TENM2: variants seen among roughly 807,000 people sequenced by gnomAD.
TENM2 encodes teneurin-2.
A neutral mutation model predicts 245.2 loss-of-function variants in TENM2; 52 were observed. The ratio of observed to expected loss-of-function variants is 0.21; its 90% CI spans 0.17 to 0.27. The LOEUF (loss-of-function observed/expected upper bound fraction) is 0.27. Among genes scored for constraint, TENM2 ranks in the 10% least tolerant of loss-of-function variants. TENM2 has a pLI of 1.00. For synonymous variants in TENM2, 1,363 were observed against 1,438.9 expected (o/e 0.95, Z 1.19); for missense variants, 3,046 against 3,666.8 (o/e 0.83, Z 4.37).
At chr5:167,445,369 A>AGAGAGAGAGAGAGTGAGTGTGAGT (rs35699708) in intron 2 of TENM2, among the ~76,000 whole-genome samples, 3 of 98,578 alleles carry the variant, frequency 3.0e-5, no homozygotes, top group African/African-American at 1.5e-4. Context: ...AGAGAGAGAG[A>AGAGAGAGAGAGAGTGAGTGTGAGT]GTGTCAGGTG....
chr5:167,857,885 C>A (rs1413484215), intron 2 of TENM2, among the ~76,000 whole-genome samples: 2 of 152,258 alleles, frequency 1.3e-5, no homozygotes, highest in Admixed American at 1.3e-4. Context: ...ATAAATAGAG[C>A]CTTAGACTCA....
intron 2 of TENM2, among the ~76,000 whole-genome samples, chr5:167,546,326 A>T (rs557748662): frequency 2.0e-5 from 3 of 152,162 alleles, no homozygotes; most frequent in Admixed American, 2.0e-4. Flanking sequence ...CTGACTTTCA[A>T]ATTATTCCTA....
At chr5:167,181,289 C>T in the TENM2 span, among the ~76,000 whole-genome samples, 1 of 152,074 alleles carries the variant, frequency 6.6e-6, no homozygotes, top group Non-Finnish European at 1.5e-5. Flanking sequence ...TAGCGGTAAT[C>T]CTTTATTCCT....
chr5:167,303,689 A>G (rs1016682900), intron 1 of TENM2, among the ~76,000 whole-genome samples: 1 of 152,134 alleles, frequency 6.6e-6, no homozygotes, highest in African/African-American at 2.4e-5. Flanking sequence ...GTGGGTCTGT[A>G]TCTCCTTTTC....
intron 7 of TENM2, among the ~76,000 whole-genome samples, chr5:168,085,753 G>A (rs1453946822): frequency 1.3e-5 from 2 of 152,242 alleles, no homozygotes; most frequent in Admixed American, 6.5e-5. Flanking sequence ...GCGACCCACT[G>A]CAGCTAAGTC....
Position 167,592,713 on chromosome 5 carries a change from G to T in TENM2, c.502+217240G>T, listed in dbSNP as rs555537538. Among the ~76,000 whole-genome samples, 193 of 152,248 alleles carry T rather than the reference G, an allele frequency of 1.3e-3. 2 individuals are homozygous for T. Among genetic ancestry groups the T allele is most frequent in the African/African-American group, 4.6e-3 (190 of 41,546 alleles). ...TTTGGTATTGTGCTATGAGCTTGAG[G>T]TGGGCATATTCAAAGTTATGTGGAC... On this transcript the variant is annotated intron_variant, in intron 2 of 28. Transcript: ENST00000518659.
At chr5:168,070,618 CAA>C (rs36098821) in intron 7 of TENM2, among the ~76,000 whole-genome samples, 10 of 132,854 alleles carry the variant, frequency 7.5e-5, no homozygotes, top group Admixed American at 7.7e-5. Context: ...TCATCTCTAC[CAA>C]AAAAAAAAAA....
intron 2 of TENM2, among the ~76,000 whole-genome samples, chr5:167,479,800 T>A (rs1436714245): frequency 6.6e-6 from 1 of 152,208 alleles, no homozygotes; most frequent in East Asian, 1.9e-4. Context: ...GGAAGCATAG[T>A]AAGATCAGTA....
intron 4 of TENM2, among the ~76,000 whole-genome samples, chr5:167,963,876 A>G (rs1295143981): frequency 6.6e-6 from 1 of 152,188 alleles, no homozygotes; most frequent in Non-Finnish European, 1.5e-5. Context: ...CAAAAGACAA[A>G]CAAGCATATA....
chr5:167,961,048 A>G (rs544245282), intron 4 of TENM2, among the ~76,000 whole-genome samples: 4 of 152,298 alleles, frequency 2.6e-5, no homozygotes, highest in African/African-American at 9.6e-5. Context: ...AACCAGTCCT[A>G]GTGAGATGAG....
At chr5:167,789,293 C>T (rs1203081680) in intron 2 of TENM2, among the ~76,000 whole-genome samples, 1 of 152,310 alleles carries the variant, frequency 6.6e-6, no homozygotes, top group African/African-American at 2.4e-5. Context: ...TAGCCCCTGA[C>T]CAGAGAACTC....
intron 2 of TENM2, among the ~76,000 whole-genome samples, chr5:167,790,609 G>C (rs1417569128): frequency 6.6e-6 from 1 of 152,072 alleles, no homozygotes; most frequent in South Asian, 2.1e-4. Flanking sequence ...AACTGTTCTC[G>C]TCACCCCTCA....
chr5:167,788,341 C>T (rs539324861), intron 2 of TENM2, among the ~76,000 whole-genome samples: 5 of 152,202 alleles, frequency 3.3e-5, no homozygotes, highest in East Asian at 3.9e-4. Flanking sequence ...TTGATTTACT[C>T]GCAAGGATTA....
At chr5:167,190,941 T>A in the TENM2 span, among the ~76,000 whole-genome samples, 1 of 152,152 alleles carries the variant, frequency 6.6e-6, no homozygotes, top group Non-Finnish European at 1.5e-5. Context: ...CATATACATG[T>A]GTTTAAATGA....
chr5:167,382,966 T>G (rs1761180950), intron 2 of TENM2, among the ~76,000 whole-genome samples: 1 of 152,096 alleles, frequency 6.6e-6, no homozygotes, highest in Non-Finnish European at 1.5e-5. Flanking sequence ...TTATTCAATA[T>G]TGGTGAAAAA....
chr5:167,599,932 T>A (rs929055470), intron 2 of TENM2, among the ~76,000 whole-genome samples: 1 of 151,706 alleles, frequency 6.6e-6, no homozygotes, highest in Non-Finnish European at 1.5e-5. Context: ...GATCACTTGA[T>A]GTCAGGAGTT....
intron 13 of TENM2, among the ~76,000 whole-genome samples, chr5:168,164,974 G>A (rs879387588): frequency 2.0e-5 from 3 of 152,214 alleles, no homozygotes; most frequent in Non-Finnish European, 2.9e-5. Context: ...CATCGGGGTG[G>A]TGGATGAGAG....
chr5:167,554,618 T>C (rs909714416), intron 2 of TENM2, among the ~76,000 whole-genome samples: 2 of 152,200 alleles, frequency 1.3e-5, no homozygotes, highest in African/African-American at 4.8e-5. Context: ...TCAGGGCATG[T>C]GTACTGCTAT....
intron 2 of TENM2, among the ~76,000 whole-genome samples, chr5:167,847,871 C>A (rs184595656): frequency 6.6e-6 from 1 of 152,202 alleles, no homozygotes; most frequent in East Asian, 1.9e-4. Flanking sequence ...TATTTGCTTC[C>A]GTTCAGTCAT....
Sources: allele counts gnomAD v4.1 joint callset (sites outside exome capture counted in the v4.1 genomes callset), GRCh38; gene constraint gnomAD v4.1.1; transcripts MANE v1.5; gene names NCBI Gene and HGNC (gene_info 2026-07-23, HGNC 2026-07-21).